CACNA2D3: variants seen among roughly 807,000 people sequenced by gnomAD.
CACNA2D3 encodes the protein calcium voltage-gated channel auxiliary subunit alpha2delta 3, also known as voltage-dependent calcium channel subunit alpha-2/delta-3.
CACNA2D3 carries 60 observed loss-of-function variants against 160.6 expected under a neutral mutation model. The ratio of observed to expected loss-of-function variants is 0.37; its 90% CI spans 0.30 to 0.46. CACNA2D3 has a LOEUF of 0.46. Ranked by LOEUF, CACNA2D3 falls within the 20% of genes least tolerant of loss-of-function variation. The pLI is 1.00. For missense variants in CACNA2D3, 1,205 were observed against 1,365.0 expected (o/e 0.88, Z 1.85); for synonymous variants, 558 against 492.9 (o/e 1.13, Z -1.75).
intron 11 of CACNA2D3, among the ~76,000 whole-genome samples, chr3:54,655,121 A>G (rs1258924951): frequency 1.3e-5 from 2 of 152,208 alleles, no homozygotes; most frequent in African/African-American, 2.4e-5. Flanking sequence ...AGCTTGCTGC[A>G]TGAATTCTGT....
chr3:54,224,492 A>G (rs935605983), intron 2 of CACNA2D3, among the ~76,000 whole-genome samples: 1 of 152,206 alleles, frequency 6.6e-6, no homozygotes, highest in Non-Finnish European at 1.5e-5. Context: ...GCATCGCACT[A>G]CAATGTTACA....
At chr3:54,400,264 G>T (rs7372695) in intron 4 of CACNA2D3, among the ~76,000 whole-genome samples, 36,659 of 150,532 alleles carry the variant, frequency 0.24, 4,534 homozygotes, top group Admixed American at 0.32. Flanking sequence ...CGTCTTCTGT[G>T]TCGCTCACGC....
At chr3:54,423,448 C>A (rs967974441) in intron 4 of CACNA2D3, among the ~76,000 whole-genome samples, 3 of 152,166 alleles carry the variant, frequency 2.0e-5, no homozygotes, top group African/African-American at 2.4e-5. Context: ...CCTCCCTCTC[C>A]TTTGCACCCT....
At chr3:54,862,278 C>T (rs1012707772) in intron 17 of CACNA2D3, among the ~76,000 whole-genome samples, 1 of 152,086 alleles carries the variant, frequency 6.6e-6, no homozygotes. Context: ...AGATGGAGCC[C>T]TTCATGTCTT....
In CACNA2D3 at chr3:54,183,160, C is replaced by T. The variant is rs58953413; in HGVS notation, c.204+59566C>T. ...TTGGAATAAAAACCATCACAATTAC[C>T]GGTGGTTAAGAAAGTGGAATTGAGT... On this transcript the variant is annotated intron_variant, in intron 2 of 37. Coordinates refer to ENST00000474759, the MANE Select transcript of CACNA2D3 (RefSeq NM_018398.3). Among the ~76,000 whole-genome samples the T allele has an allele frequency of 0.014, 2,183 of 151,440 alleles. 121 individuals are homozygous for T. In the East Asian group the frequency reaches 0.21, roughly 14 times the overall value.
intron 2 of CACNA2D3, among the ~76,000 whole-genome samples, chr3:54,259,904 G>A (rs974435214): frequency 2.6e-5 from 4 of 152,322 alleles, no homozygotes; most frequent in Admixed American, 6.5e-5. Flanking sequence ...ATTTTCAGGC[G>A]TGTTTATGGA....
intron 27 of CACNA2D3, among the ~76,000 whole-genome samples, chr3:54,954,289 C>T (rs148761184): frequency 2.6e-3 from 393 of 152,294 alleles, no homozygotes; most frequent in African/African-American, 9.0e-3. Flanking sequence ...GAAGAGCCTG[C>T]GGGAGCACGA....
At chr3:54,873,714 C>CAA (rs1699595335) in intron 18 of CACNA2D3, among the ~76,000 whole-genome samples, 1 of 152,318 alleles carries the variant, frequency 6.6e-6, no homozygotes, top group African/African-American at 2.4e-5. Flanking sequence ...TTGTTCTGCA[C>CAA]AAATTGTTCT....
At chr3:54,667,822 C>G (rs1372571668) in intron 11 of CACNA2D3, among the ~76,000 whole-genome samples, 3 of 151,890 alleles carry the variant, frequency 2.0e-5, no homozygotes, top group Non-Finnish European at 4.4e-5. Flanking sequence ...TGGTGCATGC[C>G]TGTTCTCCCA....
At chr3:54,903,047 A>AT (rs932656516) in intron 27 of CACNA2D3, among the ~76,000 whole-genome samples, 12 of 151,722 alleles carry the variant, frequency 7.9e-5, no homozygotes, top group Admixed American at 2.0e-4. Context: ...AGAATGAGTA[A>AT]TTTTTTTTTA....
At chr3:54,967,142 G>A (rs866098729) in intron 27 of CACNA2D3, 1 of 152,110 alleles carries the variant, frequency 6.6e-6, no homozygotes. Flanking sequence ...TCCTAGAGTC[G>A]GAAATTCTAA....
At chr3:54,540,261 G>A (rs777316430) in intron 5 of CACNA2D3, among the ~76,000 whole-genome samples, 3 of 152,124 alleles carry the variant, frequency 2.0e-5, no homozygotes, top group African/African-American at 4.8e-5. Flanking sequence ...TGCCTCCCTG[G>A]ATAACAGCGT....
intron 14 of CACNA2D3, among the ~76,000 whole-genome samples, chr3:54,833,730 T>TC (rs1366443681): frequency 6.6e-6 from 1 of 152,086 alleles, no homozygotes; most frequent in Non-Finnish European, 1.5e-5. Context: ...ATTCACAGAG[T>TC]CCAGACCTGT....
intron 2 of CACNA2D3, among the ~76,000 whole-genome samples, chr3:54,291,463 G>C (rs1309363220): frequency 6.6e-6 from 1 of 152,048 alleles, no homozygotes; most frequent in Non-Finnish European, 1.5e-5. Context: ...TGGTGAAAGC[G>C]CAAATCACAG....
chr3:54,915,221 T>C (rs1447950046), intron 27 of CACNA2D3, among the ~76,000 whole-genome samples: 1 of 152,210 alleles, frequency 6.6e-6, no homozygotes, highest in Non-Finnish European at 1.5e-5. Flanking sequence ...TTTTCAGATA[T>C]AAAGTTGATT....
intron 35 of CACNA2D3, among the ~76,000 whole-genome samples, chr3:55,059,321 C>T (rs910044165): frequency 1.1e-4 from 16 of 152,198 alleles, no homozygotes; most frequent in African/African-American, 3.9e-4. Context: ...GGGACAGATT[C>T]TCTTTTCTCT....
At position 54,527,555 on chromosome 3, in the gene CACNA2D3, A is replaced by G. The variant is rs75496522; in HGVS notation, c.544+23901A>G. On this transcript the variant is annotated intron_variant, in intron 5 of 37. Coordinates refer to ENST00000474759, the MANE Select transcript of CACNA2D3 (RefSeq NM_018398.3). ...CGCCTTTCAAGTTTGGGCAAGAGCA[A>G]TCAGGGTCCCAGTCTTCTCAGAAAG... 7.9e-3 allele frequency among the ~76,000 whole-genome samples: 1,203 copies of G among 152,282 alleles called. 20 individuals carry two copies. The highest frequency in any genetic ancestry group is 0.027 in the African/African-American group (1,136 of 41,554).
intron 11 of CACNA2D3, among the ~76,000 whole-genome samples, chr3:54,718,808 A>G (rs1701113123): frequency 1.3e-5 from 2 of 152,108 alleles, no homozygotes; most frequent in Admixed American, 6.5e-5. Context: ...CCAATCCATT[A>G]ACAGTCCATC....
intron 2 of CACNA2D3, among the ~76,000 whole-genome samples, chr3:54,253,773 C>G (rs1184074395): frequency 8.0e-6 from 1 of 124,912 alleles, no homozygotes; most frequent in Non-Finnish European, 1.8e-5. Flanking sequence ...ATGTGATTCC[C>G]TGTTTTTTTT....
Sources: allele counts gnomAD v4.1 joint callset (sites outside exome capture counted in the v4.1 genomes callset), GRCh38; gene constraint gnomAD v4.1.1; transcripts MANE v1.5; gene names NCBI Gene and HGNC (gene_info 2026-07-23, HGNC 2026-07-21).